PNPLA3: variants seen among roughly 807,000 people sequenced by gnomAD.
PNPLA3 encodes the protein patatin like domain 3, 1-acylglycerol-3-phosphate O-acyltransferase, also known as 1-acylglycerol-3-phosphate O-acyltransferase PNPLA3.
A neutral mutation model predicts 43.1 loss-of-function variants in PNPLA3; 42 were observed. The observed-to-expected ratio is 0.97, with a 90% confidence interval of 0.76 to 1.26. The LOEUF (loss-of-function observed/expected upper bound fraction) is 1.26. Among genes scored for constraint, PNPLA3 ranks in the 50% most tolerant of loss-of-function variants. The pLI is 0.00. For synonymous variants in PNPLA3, 272 were observed against 253.6 expected (o/e 1.07, Z -0.69); for missense variants, 647 against 621.4 (o/e 1.04, Z -0.44).
intron 3 of PNPLA3, among the ~76,000 whole-genome samples, chr22:43,931,131 AC>A (rs1442798071): frequency 7.3e-5 from 11 of 149,862 alleles, no homozygotes; most frequent in South Asian, 4.2e-4. Context: ...CGTCTCACAA[AC>A]AAAACAAAAC....
intron 5 of PNPLA3, 53 bp from the exon 6 acceptor site, chr22:43,936,998 C>T (rs34879941): frequency 0.19 from 281,341 of 1,480,188 alleles, 30,983 homozygotes; most frequent in Admixed American, 0.46. Flanking sequence ...GGGTGGGTAA[C>T]GACCACCACT....
intron 7 of PNPLA3, among the ~76,000 whole-genome samples, chr22:43,940,649 A>C (rs1488269173): frequency 6.6e-6 from 1 of 151,726 alleles, no homozygotes; most frequent in Non-Finnish European, 1.5e-5. Context: ...TCTGTACTAA[A>C]AATACAAAAA....
chr22:43,943,841 T>C (rs1425331930), intron 7 of PNPLA3, among the ~76,000 whole-genome samples: 1 of 152,076 alleles, frequency 6.6e-6, no homozygotes, highest in South Asian at 2.1e-4. Flanking sequence ...CAGGCTGGAG[T>C]GCAATGTCGC....
At chr22:43,938,184 T>A (rs1396905466) in intron 6 of PNPLA3, among the ~76,000 whole-genome samples, 9 of 152,126 alleles carry the variant, frequency 5.9e-5, no homozygotes, top group Non-Finnish European at 1.2e-4. Context: ...GGCATTTTGT[T>A]AGAGTAGCCT....
rs3083314 is a variant in PNPLA3, at chr22:43,947,359, C to CAA, written c.*988_*989dup. On this transcript the variant is annotated 3_prime_UTR_variant, in exon 9 of 9. Transcript: ENST00000216180. ...GGGCAACATGAGTGAAAGTCTGACT[C>CAA]AAAAAAAAAAAATTTAAAAAACAAA... 0.64 allele frequency: 93,479 copies of CAA among 145,170 alleles called. 30,041 individuals carry two copies. Among genetic ancestry groups the CAA allele is most frequent in the East Asian group, 0.82 (4,109 of 5,004 alleles). 9.0% of individuals were successfully genotyped at this position (145,170 alleles called of 1,614,324 possible). A position where few individuals can be genotyped will look rare whatever the true frequency, so the allele number is the denominator to read the frequency against.
intron 6 of PNPLA3, among the ~76,000 whole-genome samples, chr22:43,937,590 C>T (rs2050004418): frequency 6.6e-6 from 1 of 152,110 alleles, no homozygotes; most frequent in African/African-American, 2.4e-5. Context: ...TACCCCTTTC[C>T]AACTCTGTCT....
intron 5 of PNPLA3, among the ~76,000 whole-genome samples, chr22:43,935,074 T>C (rs1297678072): frequency 6.6e-6 from 1 of 152,124 alleles, no homozygotes. Context: ...AGATTTCTCA[T>C]CTCCAGTCAG....
intron 6 of PNPLA3, chr22:43,939,450 C>T (rs530007316): frequency 5.3e-6 from 5 of 939,336 alleles, no homozygotes; most frequent in Non-Finnish European, 6.3e-6. Context: ...GGACCCTATG[C>T]TCCGTAAGCA....
At chr22:43,932,088 C>T (rs941686091) in intron 3 of PNPLA3, among the ~76,000 whole-genome samples, 1 of 152,140 alleles carries the variant, frequency 6.6e-6, no homozygotes, top group African/African-American at 2.4e-5. Context: ...ATGGCTGGCT[C>T]TGATGGCTGG....
chr22:43,946,260 G>A lies in PNPLA3; in HGVS notation c.1324G>A (p.Ala442Thr). 6.2e-7 allele frequency: 1 copy of A among 1,614,162 alleles called. No homozygotes were observed. The highest frequency in any genetic ancestry group is 8.5e-7 in the Non-Finnish European group (1 of 1,180,018). Residue 442 changes from alanine to threonine, a missense_variant, in exon 9 of 9, where the codon GCA becomes ACA. Coordinates refer to ENST00000216180, the MANE Select transcript of PNPLA3 (RefSeq NM_025225.3). ...CAAGGGCTGTCCAGCAGAGACCAAAGCAGAGGCCACCCCGCGGTCCATCCT... is the reference window on the plus strand; with the variant it reads ...CAAGGGCTGTCCAGCAGAGACCAAAACAGAGGCCACCCCGCGGTCCATCCT... ...SPKGCPAETK[A>T]EATPRSILRS...
At chr22:43,936,135 G>A (rs1451442381) in intron 5 of PNPLA3, among the ~76,000 whole-genome samples, 2 of 152,166 alleles carry the variant, frequency 1.3e-5, no homozygotes, top group Non-Finnish European at 2.9e-5. Flanking sequence ...GAGGACATTA[G>A]GAGGGAGCCG....
chr22:43,937,862 T>G (rs1253316857), intron 6 of PNPLA3, among the ~76,000 whole-genome samples: 1 of 152,300 alleles, frequency 6.6e-6, no homozygotes, highest in Non-Finnish European at 1.5e-5. Flanking sequence ...ATGGTCCAAA[T>G]GATTGTGTAC....
chr22:43,924,317 C>A lies in PNPLA3; in HGVS notation c.187+219C>A, dbSNP rs77020725. 1,664 of 572,422 alleles carry A rather than the reference C, an allele frequency of 2.9e-3. 20 individuals carry two copies. The African/African-American group carries it at 0.03, about 10-fold the overall frequency. 35.5% of individuals were successfully genotyped at this position (572,422 alleles called of 1,614,324 possible). A position where few individuals can be genotyped will look rare whatever the true frequency, so the allele number is the denominator to read the frequency against. On this transcript the variant is annotated intron_variant, in intron 1 of 8. Coordinates refer to ENST00000216180, the MANE Select transcript of PNPLA3 (RefSeq NM_025225.3). ...GCGTTGGAACCCCGAGCGGTCCGGG[C>A]CGAAGCCTGGGACTCTCGTGCGTCC...
At chr22:43,943,860 C>T (rs1219748128) in intron 7 of PNPLA3, among the ~76,000 whole-genome samples, 3 of 152,132 alleles carry the variant, frequency 2.0e-5, no homozygotes, top group African/African-American at 7.2e-5. Context: ...GCGATCTCAG[C>T]TCACTGCAAC....
chr22:43,928,009 AC>A lies in PNPLA3; in HGVS notation c.421-812del, dbSNP rs1297338701. Among the ~76,000 whole-genome samples, 17 of 152,230 alleles carry A rather than the reference AC, an allele frequency of 1.1e-4. No individual in the cohort carries two copies. In the East Asian group the frequency reaches 3.3e-3, roughly 29 times the overall value. ...TAATGAAGATGCCTTCTCACTGGAA[AC>A]CCTACAAGGGTGGGAACGTGCCTTA... On this transcript the variant is annotated intron_variant, in intron 2 of 8. Transcript: ENST00000216180.
In PNPLA3 at chr22:43,924,245, A is replaced by G. The variant is rs114907152; in HGVS notation, c.187+147A>G. ...GGGTGCATCCCGAGGGCCCCCTCCG[A>G]GGCAGATGCTTCCTGCGGGGGCGCT... On this transcript the variant is annotated intron_variant, in intron 1 of 8. Transcript: ENST00000216180. The G allele has an allele frequency of 3.6e-3, 3,411 of 948,414 alleles. 87 individuals carry two copies. In the African/African-American group the frequency reaches 0.048, roughly 13 times the overall value. 58.7% of individuals were successfully genotyped at this position (948,414 alleles called of 1,614,324 possible). A position where few individuals can be genotyped will look rare whatever the true frequency, so the allele number is the denominator to read the frequency against.
intron 7 of PNPLA3, among the ~76,000 whole-genome samples, chr22:43,943,034 T>A (rs976835280): frequency 6.6e-6 from 1 of 152,220 alleles, no homozygotes; most frequent in Admixed American, 6.5e-5. Flanking sequence ...CGTTGTCTTT[T>A]TGCGTCTGCT....
In PNPLA3 at chr22:43,933,005, T is replaced by C; in HGVS notation, c.614T>C (p.Val205Ala). ...GTCAAGTCCACGAACTTTCTTCATG[T>C]GGACATCACCAAGCTCAGTCTACGC... is the stretch of plus-strand genomic sequence containing the variant. Reference protein sequence around the residue: ...PKVKSTNFLHVDITKLSLRLC... With the variant: ...PKVKSTNFLHADITKLSLRLC... Residue 205 changes from valine (V) to alanine (A), a missense_variant, in exon 4 of 9, where the codon GTG becomes GCG. Val to Ala is a moderately conservative substitution (Grantham distance 64, BLOSUM62 0). Transcript: ENST00000216180. 1 of 1,614,208 alleles carries C rather than the reference T, an allele frequency of 6.2e-7. No homozygotes were observed. The highest frequency in any genetic ancestry group is 8.5e-7 in the Non-Finnish European group (1 of 1,180,028).
At chr22:43,944,044 C>T (rs1432626426) in intron 7 of PNPLA3, among the ~76,000 whole-genome samples, 1 of 152,166 alleles carries the variant, frequency 6.6e-6, no homozygotes, top group Non-Finnish European at 1.5e-5. Flanking sequence ...CCTTGGCCTC[C>T]CAAAGTGCTG....
Sources: allele counts gnomAD v4.1 joint callset (sites outside exome capture counted in the v4.1 genomes callset), GRCh38; gene constraint gnomAD v4.1.1; transcripts MANE v1.5; gene names NCBI Gene and HGNC (gene_info 2026-07-23, HGNC 2026-07-21).